The following ZNF254 variants were observed in gnomAD, a reference collection of about 807,000 sequenced individuals.
ZNF254 encodes the protein CTD-2017D11.1.
In ZNF254, 10 loss-of-function variants were observed where a neutral mutation model predicts 12.4. That is an observed-to-expected ratio of 0.80 (90% CI 0.50 to 1.36). The LOEUF is 1.36. Ranked by LOEUF, ZNF254 falls within the 40% of genes most tolerant of loss-of-function variation. The probability of loss-of-function intolerance (pLI) is 0.00; values close to 1 mark genes in which losing one functional copy is unlikely to be tolerated. For synonymous variants in ZNF254, 305 were observed against 253.4 expected (o/e 1.20, Z -1.93); for missense variants, 996 against 763.9 (o/e 1.30, Z -3.58).
At chr19:24,061,728 C>G (rs894424239) in intron 2 of ZNF254, among the ~76,000 whole-genome samples, 3 of 152,138 alleles carry the variant, frequency 2.0e-5, no homozygotes, top group Non-Finnish European at 1.5e-5. Context: ...GATGGTGACT[C>G]TAATACCTCC....
At chr19:24,091,940 C>A in intron 1 of ZNF254, 1 of 560,372 alleles carries the variant, frequency 1.8e-6, no homozygotes, top group South Asian at 7.9e-5. Flanking sequence ...AGTGCAGAGG[C>A]GCAATCTCAG....
chr19:24,080,331 A>C (rs1056872240), intron 2 of ZNF254: 1 of 152,196 alleles, frequency 6.6e-6, no homozygotes, highest in Non-Finnish European at 1.5e-5. Flanking sequence ...GGCATAAATC[A>C]GGTTGCACAC....
chr19:24,087,776 T>C (rs980408042), intron 1 of ZNF254, among the ~76,000 whole-genome samples: 2 of 152,072 alleles, frequency 1.3e-5, no homozygotes, highest in African/African-American at 4.8e-5. Flanking sequence ...GATTCAAAAA[T>C]TGTACCACAC....
intron 2 of ZNF254, among the ~76,000 whole-genome samples, chr19:24,060,900 G>A (rs1311260113): frequency 6.6e-6 from 1 of 152,106 alleles, no homozygotes; most frequent in Non-Finnish European, 1.5e-5. Flanking sequence ...TTTCTCCTGA[G>A]TCCTACCCAC....
chr19:24,061,881 C>T (rs1230551467), intron 2 of ZNF254, among the ~76,000 whole-genome samples: 2 of 151,952 alleles, frequency 1.3e-5, no homozygotes, highest in Non-Finnish European at 2.9e-5. Context: ...GTCGGGAGTT[C>T]AAGACCAGCC....
At chr19:24,096,819 C>CT (rs989615767) in intron 1 of ZNF254, among the ~76,000 whole-genome samples, 1 of 152,200 alleles carries the variant, frequency 6.6e-6, no homozygotes, top group African/African-American at 2.4e-5. Context: ...TAAGAACTTG[C>CT]TTTATTCATG....
chr19:24,087,915 T>C (rs926059787), intron 1 of ZNF254, among the ~76,000 whole-genome samples: 93 of 151,326 alleles, frequency 6.1e-4, no homozygotes, highest in Non-Finnish European at 8.1e-4. Context: ...CGTTTTTTTT[T>C]TTTTTTTTTC....
chr19:24,052,546 T>C (rs777676043), intron 2 of ZNF254, among the ~76,000 whole-genome samples: 4 of 152,156 alleles, frequency 2.6e-5, no homozygotes, highest in Admixed American at 6.5e-5. Context: ...AATCAAGTGA[T>C]GTGTTTTTCC....
intron 2 of ZNF254, chr19:24,065,505 TG>T (rs1971236488): frequency 6.6e-6 from 1 of 152,120 alleles, no homozygotes; most frequent in South Asian, 2.1e-4. Context: ...ACAGATGTAA[TG>T]GTGTGGTGAC....
intron 2 of ZNF254, chr19:24,080,792 A>AG: frequency 6.6e-6 from 1 of 150,906 alleles, no homozygotes; most frequent in East Asian, 2.0e-4. Flanking sequence ...AAAAAAAAAA[A>AG]AAAAGGAAGC....
chr19:24,074,592 T>A (rs1370012992), intron 2 of ZNF254, among the ~76,000 whole-genome samples: 1 of 152,160 alleles, frequency 6.6e-6, no homozygotes, highest in Non-Finnish European at 1.5e-5. Context: ...ACGTCATTCT[T>A]CTATCTGGCC....
chr19:24,048,292 G>C (rs952225010), intron 2 of ZNF254, among the ~76,000 whole-genome samples: 3 of 152,094 alleles, frequency 2.0e-5, no homozygotes, highest in East Asian at 1.9e-4. Context: ...GGCCACCTTG[G>C]GGGGAATAAG....
chr19:24,050,412 G>A (rs1205766771), intron 2 of ZNF254, among the ~76,000 whole-genome samples: 1 of 152,146 alleles, frequency 6.6e-6, no homozygotes, highest in East Asian at 1.9e-4. Flanking sequence ...CACCCGCCTT[G>A]ACCTCCCAAT....
chr19:24,083,482 AAAG>A (rs1337068501), upstream of ZNF254, among the ~76,000 whole-genome samples: 1 of 152,196 alleles, frequency 6.6e-6, no homozygotes. Context: ...ATGAAACAAA[AAAG>A]AACCTGCATA....
intron 2 of ZNF254, among the ~76,000 whole-genome samples, chr19:24,081,529 CCT>C (rs1299766943): frequency 2.0e-5 from 3 of 152,056 alleles, no homozygotes; most frequent in African/African-American, 7.2e-5. Flanking sequence ...GAATAAATTC[CCT>C]GTTTAATATC....
intron 1 of ZNF254, among the ~76,000 whole-genome samples, chr19:24,042,958 G>T (rs1213393226): frequency 3.3e-5 from 5 of 152,170 alleles, no homozygotes; most frequent in Admixed American, 2.0e-4. Context: ...CCCAAGTGAG[G>T]TTTATAAATT....
chr19:24,126,562 G>T lies in ZNF254; in HGVS notation c.562G>T (p.Val188Phe). 1 of 1,604,572 alleles carries T rather than the reference G, an allele frequency of 6.2e-7. No individual in the cohort carries two copies. Residue 188 changes from valine (V) to phenylalanine (F), a missense_variant, in exon 4 of 4, where the codon GTC becomes TTC. Physicochemically the swap from Val to Phe is conservative, Grantham distance 50. Coordinates refer to ENST00000357002, the MANE Select transcript of ZNF254 (RefSeq NM_203282.4). ...EKKSFKCKKR[V>F]KLFCMLSHKT... ...GAAATCTTTCAAATGTAAAAAACGT[G>T]TCAAATTATTTTGCATGCTTTCACA...
chr19:24,116,271 G>T (rs1279966612), intron 3 of ZNF254, among the ~76,000 whole-genome samples: 1 of 152,132 alleles, frequency 6.6e-6, no homozygotes, highest in Non-Finnish European at 1.5e-5. Context: ...AGTTCTCCTG[G>T]ATAATATCCT....
intron 2 of ZNF254, among the ~76,000 whole-genome samples, chr19:24,071,011 T>C (rs1002409662): frequency 1.1e-4 from 16 of 152,164 alleles, no homozygotes; most frequent in Non-Finnish European, 4.4e-5. Context: ...CGTCATCTAT[T>C]TGATGTTACT....
Sources: gnomAD v4.1 joint callset for allele counts (sites outside exome capture counted in the v4.1 genomes callset) on GRCh38, gnomAD v4.1.1 for gene constraint, MANE v1.5 for transcripts, NCBI Gene and HGNC (gene_info 2026-07-23, HGNC 2026-07-21) for gene names.